Variants in PLCH1 observed in about 807,000 individuals in gnomAD.
PLCH1 encodes 1-phosphatidylinositol 4,5-bisphosphate phosphodiesterase eta-1.
A neutral mutation model predicts 126.7 loss-of-function variants in PLCH1; 60 were observed. The ratio of observed to expected loss-of-function variants is 0.47; its 90% CI spans 0.38 to 0.59. The LOEUF (loss-of-function observed/expected upper bound fraction) is 0.59. Among genes scored for constraint, PLCH1 ranks in the 20% least tolerant of loss-of-function variants. The pLI, the probability that PLCH1 is intolerant of heterozygous loss-of-function variation, is 0.00. For missense variants in PLCH1, 1,723 were observed against 2,040.0 expected, an observed-to-expected ratio of 0.84 and a Z score of 2.99; for synonymous variants, 719 against 734.9, an observed-to-expected ratio of 0.98 and a Z score of 0.35.
intron 1 of PLCH1, among the ~76,000 whole-genome samples, chr3:155,713,791 G>A (rs892279581): frequency 9.2e-5 from 14 of 152,086 alleles, no homozygotes; most frequent in Admixed American, 7.9e-4. Flanking sequence ...AAAAGGGATG[G>A]CAGTGAATGA....
intron 3 of PLCH1, among the ~76,000 whole-genome samples, chr3:155,595,207 G>C (rs1485773869): frequency 2.0e-5 from 3 of 152,232 alleles, no homozygotes; most frequent in Non-Finnish European, 2.9e-5. Flanking sequence ...TGGAATCACA[G>C]AGATTAGCAT....
chr3:155,568,195 C>T, intron 7 of PLCH1, 36 bp downstream of exon 7: 2 of 939,280 alleles, frequency 2.1e-6, no homozygotes, highest in Non-Finnish European at 3.4e-6. Flanking sequence ...CAGGCTGAAT[C>T]AAGAAATGAG....
chr3:155,725,004 G>A (rs945925485), intron 1 of PLCH1, among the ~76,000 whole-genome samples: 4 of 152,088 alleles, frequency 2.6e-5, no homozygotes, highest in Non-Finnish European at 4.4e-5. Flanking sequence ...TTGTTTGTCT[G>A]AAAAAGACTG....
At chr3:155,454,259 G>A (rs1712385236) in intron 21 of PLCH1, among the ~76,000 whole-genome samples, 1 of 152,126 alleles carries the variant, frequency 6.6e-6, no homozygotes, top group South Asian at 2.1e-4. Context: ...AAGGAGTTGG[G>A]CTCAAATCTG....
At chr3:155,462,739 A>T (rs576941885) in intron 21 of PLCH1, among the ~76,000 whole-genome samples, 1 of 152,140 alleles carries the variant, frequency 6.6e-6, no homozygotes, top group African/African-American at 2.4e-5. Context: ...AGCTACTCGC[A>T]CAGTGGTTAA....
chr3:155,493,001 CA>C, intron 17 of PLCH1, 148 bp from the exon 18 acceptor site: 1 of 663,660 alleles, frequency 1.5e-6, no homozygotes, highest in Non-Finnish European at 2.2e-6. Flanking sequence ...CTGTGGTTTT[CA>C]TTAGAAACCA....
chr3:155,488,356 C>T (rs1296951157), intron 20 of PLCH1, among the ~76,000 whole-genome samples: 1 of 152,068 alleles, frequency 6.6e-6, no homozygotes, highest in Non-Finnish European at 1.5e-5. Flanking sequence ...CACCACCACA[C>T]CCGGCTAATT....
chr3:155,683,510 A>G (rs1325309045), intron 2 of PLCH1, among the ~76,000 whole-genome samples: 3 of 152,210 alleles, frequency 2.0e-5, no homozygotes, highest in South Asian at 2.1e-4. Flanking sequence ...AGGGAACACT[A>G]AAGCACACTG....
intron 4 of PLCH1, among the ~76,000 whole-genome samples, chr3:155,586,954 T>C (rs1731457392): frequency 6.6e-6 from 1 of 152,180 alleles, no homozygotes; most frequent in East Asian, 1.9e-4. Context: ...AGCAAGAAAA[T>C]GACACCTTAA....
intron 19 of PLCH1, 112 bp downstream of exon 19, chr3:155,490,672 G>A: frequency 1.6e-6 from 1 of 624,040 alleles, no homozygotes; most frequent in Non-Finnish European, 2.9e-6. Flanking sequence ...AAACTCAGAT[G>A]GGAGTTACGG....
rs147780829 is a variant in PLCH1, at chr3:155,659,771, T to C, written c.79+44375A>G. Among the ~76,000 whole-genome samples the C allele has an allele frequency of 2.3e-3, 349 of 152,220 alleles. 1 individual carries two copies. The highest frequency in any genetic ancestry group is 6.8e-3 in the Middle Eastern group (2 of 294). ...ACCTCGGCCTCCCAAAGGACTGGGA[T>C]TACAGGTGTGAGCCACTGCGCTCAG... On this transcript the variant is annotated intron_variant, in intron 2 of 22. Coordinates refer to ENST00000460012, the MANE Select transcript of PLCH1 (RefSeq NM_014996.4).
intron 10 of PLCH1, 35 bp from the exon 11 acceptor site, chr3:155,524,039 G>C (rs1412692441): frequency 3.1e-6 from 4 of 1,273,372 alleles, no homozygotes; most frequent in African/African-American, 1.5e-5. Context: ...TTAAAAATGA[G>C]AATAAATTCA....
At chr3:155,477,149 G>A (rs1200554850), downstream of PLCH1, among the ~76,000 whole-genome samples, 1 of 152,060 alleles carries the variant, frequency 6.6e-6, no homozygotes, top group Non-Finnish European at 1.5e-5. Flanking sequence ...ATATGCTAAG[G>A]AAAAGACAGT....
intron 5 of PLCH1, 109 bp from the exon 6 acceptor site, chr3:155,583,751 TGAGCACACATTCTCTTC>T (rs1458461413): frequency 1.2e-5 from 8 of 677,758 alleles, no homozygotes; most frequent in South Asian, 4.6e-5. Context: ...TCCCAAGAGG[TGAGCACACATTCTCTTC>T]GAGCACACAT....
chr3:155,465,397 G>A (rs932226108), intron 21 of PLCH1, among the ~76,000 whole-genome samples: 14 of 151,970 alleles, frequency 9.2e-5, no homozygotes, highest in Admixed American at 2.0e-4. Flanking sequence ...GGAACCTGCT[G>A]CCTTGAAGGA....
intron 21 of PLCH1, among the ~76,000 whole-genome samples, chr3:155,469,258 A>C (rs570758941): frequency 5.3e-4 from 81 of 152,136 alleles, no homozygotes; most frequent in Non-Finnish European, 1.0e-3. Context: ...GCATTGCCTC[A>C]CTTGGGAAGC....
chr3:155,718,295 A>G (rs1747679587), intron 1 of PLCH1, among the ~76,000 whole-genome samples: 1 of 152,128 alleles, frequency 6.6e-6, no homozygotes, highest in Non-Finnish European at 1.5e-5. Flanking sequence ...GAAGTTCCAA[A>G]TTTTCCATCA....
intron 11 of PLCH1, among the ~76,000 whole-genome samples, chr3:155,521,834 C>A (rs1721143089): frequency 6.6e-6 from 1 of 152,186 alleles, no homozygotes; most frequent in African/African-American, 2.4e-5. Context: ...CAAAATATAA[C>A]AAAGAGATGC....
intron 11 of PLCH1, among the ~76,000 whole-genome samples, chr3:155,520,423 C>T (rs1423135295): frequency 1.3e-5 from 2 of 152,138 alleles, no homozygotes; most frequent in African/African-American, 4.8e-5. Flanking sequence ...GTCACTGCAC[C>T]AGGACTCCTT....
Sources: allele counts gnomAD v4.1 joint callset (sites outside exome capture counted in the v4.1 genomes callset), GRCh38; gene constraint gnomAD v4.1.1; transcripts MANE v1.5; gene names NCBI Gene and HGNC (gene_info 2026-07-23, HGNC 2026-07-21).